ODAD4: variants seen among roughly 807,000 people sequenced by gnomAD.
ODAD4 encodes the protein outer dynein arm-docking complex subunit 4.
A neutral mutation model predicts 51.8 loss-of-function variants in ODAD4; 49 were observed. That is an observed-to-expected ratio of 0.95 (90% CI 0.75 to 1.20). The LOEUF is 1.20. Among genes scored for constraint, ODAD4 ranks in the 50% most tolerant of loss-of-function variants. The probability of loss-of-function intolerance (pLI) is 0.00; values close to 1 mark genes in which losing one functional copy is unlikely to be tolerated. For missense variants in ODAD4, 590 were observed against 586.5 expected (o/e 1.01, Z -0.06); for synonymous variants, 235 against 221.3 (o/e 1.06, Z -0.55).
chr17:41,931,904 T>C (rs1256860785), intron 1 of ODAD4, among the ~76,000 whole-genome samples: 1 of 118,686 alleles, frequency 8.4e-6, no homozygotes, highest in Non-Finnish European at 1.8e-5. Context: ...GATTGGGTGA[T>C]GGTTTTTGTT....
Position 41,938,708 on chromosome 17 carries a change from G to A in ODAD4, c.777G>A (p.Trp259Ter). The A allele has an allele frequency of 1.2e-6, 2 of 1,613,888 alleles. No individual in the cohort carries two copies. Among genetic ancestry groups the A allele is most frequent in the Non-Finnish European group, 1.7e-6 (2 of 1,179,882 alleles). The part of the protein sequence containing the change: ...ERDRKLMQEK[W>*]LRDHKRRPSQ... ...ACCGGAAGCTGATGCAAGAGAAATG[G>A]CTGCGGGACCACAAACGCCGTCCCT... Residue 259 changes from tryptophan (W) to a stop codon, truncating the protein, a stop_gained, in exon 6 of 12, where the codon TGG (tryptophan) becomes TGA (stop). Coordinates refer to ENST00000377540, the MANE Select transcript of ODAD4 (RefSeq NM_031421.5). LOFTEE classifies it high-confidence loss of function.
In ODAD4 at chr17:41,959,920, C is replaced by CG. The variant is rs2050782598; in HGVS notation, c.1444-1460dup. On this transcript the variant is annotated intron_variant, in intron 10 of 11. Transcript: ENST00000377540. ...GCGCAGTCTATCCTCTGCCACCATA[C>CG]GGCCCAGGGAAGCCCAGGCCTAGCA... is the stretch of plus-strand genomic sequence containing the variant. Among the ~76,000 whole-genome samples the CG allele has an allele frequency of 2.6e-5, 4 of 152,206 alleles. No homozygotes were observed. The South Asian group carries it at 8.3e-4, about 31-fold the overall frequency.
intron 8 of ODAD4, among the ~76,000 whole-genome samples, chr17:41,947,842 G>A (rs950998237): frequency 5.0e-5 from 7 of 140,060 alleles, no homozygotes; most frequent in Non-Finnish European, 1.1e-4. Flanking sequence ...TAAAATGGCT[G>A]GGTGCGGTGG....
intron 9 of ODAD4, among the ~76,000 whole-genome samples, chr17:41,951,421 C>T (rs2050649943): frequency 6.6e-6 from 1 of 151,616 alleles, no homozygotes; most frequent in African/African-American, 2.4e-5. Flanking sequence ...TGAACTTTAT[C>T]CTTACAAGCC....
At chr17:41,938,326 C>T (rs925576066) in intron 5 of ODAD4, among the ~76,000 whole-genome samples, 2 of 152,212 alleles carry the variant, frequency 1.3e-5, no homozygotes, top group African/African-American at 4.8e-5. Flanking sequence ...CTCCTCATAT[C>T]TTGCCATAAG....
At chr17:41,963,388 A>G (rs2050831234) in intron 11 of ODAD4, among the ~76,000 whole-genome samples, 1 of 152,174 alleles carries the variant, frequency 6.6e-6, no homozygotes. Context: ...ATATCTTTAT[A>G]GGAAACCTAT....
chr17:41,937,029 A>G, intron 5 of ODAD4, 102 bp downstream of exon 5: 1 of 1,373,508 alleles, frequency 7.3e-7, no homozygotes, highest in Non-Finnish European at 1.0e-6. Flanking sequence ...ATATTAGCTG[A>G]CGTGTACCTG....
chr17:41,936,752 A>C lies in ODAD4; in HGVS notation c.460-10A>C. 6.2e-7 allele frequency: 1 copy of C among 1,613,628 alleles called. No homozygotes were observed. Among genetic ancestry groups the C allele is most frequent in the Non-Finnish European group, 8.5e-7 (1 of 1,179,744 alleles). On this transcript the variant is annotated splice_polypyrimidine_tract_variant and intron_variant, in intron 4 of 11. Coordinates refer to ENST00000377540, the MANE Select transcript of ODAD4 (RefSeq NM_031421.5). ...CTGAAGCTCTGTTGGGTGTTGCTCC[A>C]TTTTCTCAGAATATAAAAGCCCAGC...
intron 5 of ODAD4, 130 bp downstream of exon 5, chr17:41,937,057 C>A: frequency 1.8e-6 from 2 of 1,142,646 alleles, no homozygotes; most frequent in Non-Finnish European, 2.5e-6. Flanking sequence ...GTTTTATTAG[C>A]ATTCTCATTT....
Position 41,936,941 on chromosome 17 carries a change from T to G in ODAD4, c.625+14T>G, listed in dbSNP as rs781807671. On this transcript the variant is annotated intron_variant, in intron 5 of 11. Transcript: ENST00000377540. ...TATTGGATGAAGGTTTCGGACACTT[T>G]GTTGGCACGGGGCCTTGGGGGAAAG... 3.7e-6 allele frequency: 6 copies of G among 1,612,196 alleles called. No homozygotes were observed. Among genetic ancestry groups the G allele is most frequent in the Non-Finnish European group, 4.2e-6 (5 of 1,178,586 alleles).
chr17:41,936,702 A>T, intron 4 of ODAD4, 60 bp from the exon 5 acceptor site: 1 of 1,598,032 alleles, frequency 6.3e-7, no homozygotes, highest in Non-Finnish European at 8.5e-7. Flanking sequence ...CCCTAGGGCC[A>T]TGGCTGGGTA....
At chr17:41,950,498 T>C (rs1261889085) in intron 9 of ODAD4, among the ~76,000 whole-genome samples, 2 of 150,954 alleles carry the variant, frequency 1.3e-5, no homozygotes, top group African/African-American at 4.9e-5. Context: ...TTCCTGTGCC[T>C]CAGCTTCCTG....
intron 9 of ODAD4, 91 bp from the exon 10 acceptor site, chr17:41,955,126 C>A: frequency 1.4e-6 from 1 of 719,490 alleles, no homozygotes; most frequent in South Asian, 1.5e-5. Context: ...TTCTGATGGG[C>A]CCTGGCAGTG....
chr17:41,937,001 G>A, intron 5 of ODAD4, 74 bp downstream of exon 5: 1 of 1,526,036 alleles, frequency 6.6e-7, no homozygotes, highest in Non-Finnish European at 9.0e-7. Context: ...ATGAGCTGAA[G>A]GCAGAACCTG....
intron 1 of ODAD4, among the ~76,000 whole-genome samples, chr17:41,931,918 G>GTTGTTGTT (rs1309053179): frequency 1.3e-5 from 2 of 151,620 alleles, no homozygotes; most frequent in Non-Finnish European, 2.9e-5. Context: ...TTTTGTTGTT[G>GTTGTTGTT]TTGTTGTTGT....
chr17:41,942,758 T>C (rs1555638852), intron 7 of ODAD4, among the ~76,000 whole-genome samples: 1 of 152,162 alleles, frequency 6.6e-6, no homozygotes, highest in Non-Finnish European at 1.5e-5. Context: ...GTGGCAGGGC[T>C]AGGGACCAGG....
At chr17:41,954,595 T>C (rs534155758) in intron 9 of ODAD4, among the ~76,000 whole-genome samples, 17 of 151,950 alleles carry the variant, frequency 1.1e-4, no homozygotes, top group Non-Finnish European at 2.5e-4. Flanking sequence ...CTCACACCTG[T>C]AATCCCAGCA....
rs1352094599 is a variant in ODAD4 at position 41,949,224 on chromosome 17, G to C, written c.1217G>C (p.Cys406Ser). 13 of 398,484 alleles carry C rather than the reference G, an allele frequency of 3.3e-5. No homozygotes were observed. The highest frequency in any genetic ancestry group is 5.3e-5 in the Non-Finnish European group (12 of 226,102). 24.7% of individuals were successfully genotyped at this position (398,484 alleles called of 1,614,324 possible). A position where few individuals can be genotyped will look rare whatever the true frequency, so the allele number is the denominator to read the frequency against. ...TGGCTGTTCCACGAGATCGGCCGCT[G>C]CTACTTGGAGCTGGACCAGGCCTGG... ...KTWLFHEIGR[C>S]YLELDQAWQA... The change falls in exon 9 of 12, where the codon TGC becomes TCC. Residue 406 changes from cysteine (C) to serine (S), a missense_variant. Cys to Ser is a moderately radical substitution (Grantham distance 112). Transcript: ENST00000377540.
intron 9 of ODAD4, among the ~76,000 whole-genome samples, chr17:41,950,483 A>G (rs2050638331): frequency 6.6e-6 from 1 of 151,158 alleles, no homozygotes; most frequent in African/African-American, 2.4e-5. Context: ...CATGGGTTCA[A>G]ATGATTCCTG....
Sources: allele counts gnomAD v4.1 joint callset (sites outside exome capture counted in the v4.1 genomes callset), GRCh38; gene constraint gnomAD v4.1.1; transcripts MANE v1.5; gene names NCBI Gene and HGNC (gene_info 2026-07-23, HGNC 2026-07-21).